SHROOM4: variants seen among roughly 807,000 people sequenced by gnomAD.
SHROOM4 encodes shroom family member 4.
A neutral mutation model predicts 80.3 loss-of-function variants in SHROOM4; 17 were observed. The observed-to-expected ratio is 0.21, with a 90% confidence interval of 0.14 to 0.32. SHROOM4 has a LOEUF of 0.32. SHROOM4 is among the 10% of genes least tolerant of loss of function. SHROOM4 has a pLI of 1.00. For synonymous variants in SHROOM4, 400 were observed against 437.5 expected (o/e 0.91, Z 1.07); for missense variants, 993 against 1,140.3 (o/e 0.87, Z 1.86).
Position 50,618,364 on chromosome X carries a change from C to A in SHROOM4, c.2957+9250G>T, listed in dbSNP as rs1930392698. Among the ~76,000 whole-genome samples, 2 of 27,712 alleles carry A rather than the reference C, an allele frequency of 7.2e-5. 1 individual carries two copies. Among genetic ancestry groups the A allele is most frequent in the African/African-American group, 3.9e-4 (2 of 5,141 alleles). 24.1% of individuals were successfully genotyped at this position (27,712 alleles called of 115,157 possible). A position where few individuals can be genotyped will look rare whatever the true frequency, so the allele number is the denominator to read the frequency against. On this transcript the variant is annotated intron_variant, in intron 5 of 8. Coordinates refer to ENST00000376020, the MANE Select transcript of SHROOM4 (RefSeq NM_020717.5). The stretch of plus-strand genomic sequence containing the variant: ...CCTTCCTTCCTTCCTTCCTTCCTTC[C>A]TTCCTTCCTTCCTTCCTTCCTTCCT...
chrX:50,660,259 T>G (rs959697583), intron 2 of SHROOM4, among the ~76,000 whole-genome samples: 4 of 111,526 alleles, frequency 3.6e-5, no homozygotes, highest in Non-Finnish European at 7.5e-5. Context: ...GGGATCTGAT[T>G]AACAGGCAGA....
chrX:50,799,291 G>A (rs1569549230), intron 1 of SHROOM4, among the ~76,000 whole-genome samples: 3 of 112,393 alleles, frequency 2.7e-5, no homozygotes, highest in Admixed American at 1.9e-4. Flanking sequence ...AGGCCCTTTC[G>A]AGGCCTGTTC....
intron 2 of SHROOM4, among the ~76,000 whole-genome samples, chrX:50,645,122 C>T (rs929986635): frequency 1.8e-5 from 2 of 111,579 alleles, no homozygotes; most frequent in Non-Finnish European, 1.9e-5. Flanking sequence ...ATACTAATTA[C>T]CTGGGGATCT....
intron 1 of SHROOM4, among the ~76,000 whole-genome samples, chrX:50,696,817 A>C (rs1425240147): frequency 1.8e-5 from 2 of 112,118 alleles, no homozygotes; most frequent in Non-Finnish European, 3.8e-5. Context: ...TGTCAGACTG[A>C]GGGGTATTGA....
chrX:50,688,072 A>C (rs1348205622), intron 2 of SHROOM4, among the ~76,000 whole-genome samples: 3 of 111,082 alleles, frequency 2.7e-5, no homozygotes, highest in Non-Finnish European at 5.7e-5. Context: ...TGTGTCACAC[A>C]GTCTGCCACA....
intron 1 of SHROOM4, among the ~76,000 whole-genome samples, chrX:50,738,906 C>A (rs1934573679): frequency 9.0e-6 from 1 of 111,578 alleles, no homozygotes; most frequent in South Asian, 3.8e-4. Context: ...AAGCTGGAGG[C>A]ATCACGCTAC....
chrX:50,669,301 C>CCTCTCCT (rs1295920113), intron 2 of SHROOM4, among the ~76,000 whole-genome samples: 4 of 111,399 alleles, frequency 3.6e-5, no homozygotes, highest in Non-Finnish European at 5.7e-5. Flanking sequence ...GTAGGATTTC[C>CCTCTCCT]CTCTCCTCTC....
chrX:50,752,301 T>C (rs2147605126), intron 1 of SHROOM4, among the ~76,000 whole-genome samples: 1 of 112,145 alleles, frequency 8.9e-6, no homozygotes, highest in Admixed American at 9.5e-5. Flanking sequence ...TCTTAAGGAA[T>C]GTGCCTATTT....
chrX:50,734,024 A>G (rs1438284119), intron 1 of SHROOM4, among the ~76,000 whole-genome samples: 2 of 112,347 alleles, frequency 1.8e-5, no homozygotes, highest in Non-Finnish European at 3.8e-5. Context: ...TATTTCCAAT[A>G]CCATAAAAAG....
intron 2 of SHROOM4, among the ~76,000 whole-genome samples, chrX:50,680,032 A>G (rs142206265): frequency 0.012 from 1,390 of 112,116 alleles, 26 homozygotes; most frequent in African/African-American, 0.043. Context: ...TCTCAGAATC[A>G]ATGTCTCATC....
In SHROOM4 at chrX:50,591,694, T is replaced by TTTCTTTTCTTTCTCTTTC. The variant is rs781942320; in HGVS notation, c.*5000_*5001insGAAAGAGAAAGAAAAGAA. ...TTTTCTTTCTTTCTTTCTTTCTTTC[T>TTTCTTTTCTTTCTCTTTC]TTTCTTTCTTTCTTTCTTTCTTTCT... On this transcript the variant is annotated 3_prime_UTR_variant, in exon 9 of 9. Coordinates refer to ENST00000376020, the MANE Select transcript of SHROOM4 (RefSeq NM_020717.5). 4.3e-6 allele frequency: 1 copy of TTTCTTTTCTTTCTCTTTC among 233,049 alleles called. No individual in the cohort carries two copies. The highest frequency in any genetic ancestry group is 3.5e-5 in the African/African-American group (1 of 28,449). The allele number at this position is 233,049 out of a possible 1,213,427, so 19.2% of individuals were successfully genotyped here.
chrX:50,684,544 AAGGAGTTCATTG>A (rs1933019889), intron 2 of SHROOM4, among the ~76,000 whole-genome samples: 1 of 112,138 alleles, frequency 8.9e-6, no homozygotes, highest in South Asian at 3.7e-4. Context: ...CAGGAACCAA[AAGGAGTTCATTG>A]CTTTTCAAAA....
At chrX:50,680,329 T>C (rs1160909006) in intron 2 of SHROOM4, among the ~76,000 whole-genome samples, 1 of 111,971 alleles carries the variant, frequency 8.9e-6, no homozygotes, top group African/African-American at 3.2e-5. Flanking sequence ...CTGCCAAAAT[T>C]AGAGGCTGCC....
chrX:50,635,791 AGG>A (rs58026425), intron 3 of SHROOM4, 123 bp from the exon 4 acceptor site: 2 of 442,635 alleles, frequency 4.5e-6, no homozygotes, highest in South Asian at 7.1e-5. Context: ...AAAAAAAAAA[AGG>A]GGGAAGAAAG....
chrX:50,675,769 T>G (rs782259233), intron 2 of SHROOM4, among the ~76,000 whole-genome samples: 6 of 111,192 alleles, frequency 5.4e-5, no homozygotes, highest in African/African-American at 2.0e-4. Flanking sequence ...AAAAAAAAAT[T>G]GATAGAGCAA....
intron 3 of SHROOM4, among the ~76,000 whole-genome samples, 156 bp downstream of exon 3, chrX:50,638,018 G>A (rs1557256428): frequency 8.9e-6 from 1 of 112,077 alleles, no homozygotes; most frequent in African/African-American, 3.2e-5. Context: ...GAATTAGCAA[G>A]AGACTAGCAC....
At chrX:50,638,698 C>T (rs1221192272) in intron 2 of SHROOM4, among the ~76,000 whole-genome samples, 1 of 112,685 alleles carries the variant, frequency 8.9e-6, no homozygotes, top group Non-Finnish European at 1.9e-5. Context: ...AAGGAATGGG[C>T]AAGTGATTGA....
At chrX:50,763,850 C>T (rs57387606) in intron 1 of SHROOM4, among the ~76,000 whole-genome samples, 1 of 110,894 alleles carries the variant, frequency 9.0e-6, no homozygotes, top group African/African-American at 3.3e-5. Context: ...TGAGTCAATG[C>T]AGTGTAGCAC....
rs1929138495 is a variant in SHROOM4 at position 50,596,885 on chromosome X, C to T, written c.4292G>A (p.Arg1431Gln). The T allele has an allele frequency of 2.5e-6, 3 of 1,209,583 alleles. No homozygotes were observed. Among genetic ancestry groups the T allele is most frequent in the Non-Finnish European group, 3.4e-6 (3 of 895,005 alleles). Residue 1431 changes from arginine to glutamine, a missense_variant, in exon 9 of 9, where the codon CGG becomes CAG. By Grantham distance (43) the Arg-to-Gln change is conservative (BLOSUM62 1). Coordinates refer to ENST00000376020, the MANE Select transcript of SHROOM4 (RefSeq NM_020717.5). ...GACCATGCCAAACACCAACTTCTCC[C>T]GGCGGTCCACGTGCTCCTTCAGCTC... ...AKELKEHVDR[R>Q]EKLVFGMVSR...
Sources: gnomAD v4.1 joint callset for allele counts (sites outside exome capture counted in the v4.1 genomes callset) on GRCh38, gnomAD v4.1.1 for gene constraint, MANE v1.5 for transcripts, NCBI Gene and HGNC (gene_info 2026-07-23, HGNC 2026-07-21) for gene names.